Variants in CAMK2D observed in about 807,000 individuals in gnomAD.
CAMK2D encodes calcium/calmodulin dependent protein kinase II delta, also known as calcium/calmodulin-dependent protein kinase type II subunit delta.
Under a neutral mutation model 84.0 loss-of-function variants are expected in CAMK2D, and 37 were observed. That is an observed-to-expected ratio of 0.44 (90% CI 0.34 to 0.58). The LOEUF is 0.58. Ranked by LOEUF, CAMK2D falls within the 20% of genes least tolerant of loss-of-function variation. The probability of loss-of-function intolerance (pLI) is 0.02; values close to 1 mark genes in which losing one functional copy is unlikely to be tolerated. For synonymous variants in CAMK2D, 202 were observed against 212.5 expected, an observed-to-expected ratio of 0.95 and a Z score of 0.43; for missense variants, 448 against 652.5, an observed-to-expected ratio of 0.69 and a Z score of 3.41.
intron 3 of CAMK2D, among the ~76,000 whole-genome samples, chr4:113,620,114 G>A (rs898385236): frequency 3.3e-5 from 5 of 152,150 alleles, no homozygotes; most frequent in Non-Finnish European, 2.9e-5. Flanking sequence ...AGATAGGGTT[G>A]GGTAAGGATG....
chr4:113,729,981 C>A (rs1593719848), intron 2 of CAMK2D, among the ~76,000 whole-genome samples: 1 of 152,292 alleles, frequency 6.6e-6, no homozygotes, highest in South Asian at 2.1e-4. Flanking sequence ...CAGTCTATGG[C>A]ATTCTGTTAA....
At chr4:113,521,576 T>C (rs1375112128) in intron 8 of CAMK2D, among the ~76,000 whole-genome samples, 3 of 151,860 alleles carry the variant, frequency 2.0e-5, no homozygotes, top group African/African-American at 7.3e-5. Context: ...GAAAAATAAA[T>C]CAAGAAATAA....
intron 2 of CAMK2D, among the ~76,000 whole-genome samples, chr4:113,730,314 G>A (rs2099562245): frequency 6.6e-6 from 1 of 152,032 alleles, no homozygotes; most frequent in African/African-American, 2.4e-5. Flanking sequence ...CATGTCTTGT[G>A]TTTCAATAGT....
At chr4:113,634,210 T>C (rs981267764) in intron 3 of CAMK2D, among the ~76,000 whole-genome samples, 1 of 152,204 alleles carries the variant, frequency 6.6e-6, no homozygotes, top group East Asian at 1.9e-4. Flanking sequence ...TGTACAGCTG[T>C]CTATATTTTC....
intron 2 of CAMK2D, among the ~76,000 whole-genome samples, chr4:113,736,701 C>T (rs1435475082): frequency 6.6e-6 from 1 of 152,006 alleles, no homozygotes; most frequent in East Asian, 1.9e-4. Flanking sequence ...GCCTTTCATT[C>T]ATATTAAAAC....
At chr4:113,553,262 C>T (rs2098642263) in intron 4 of CAMK2D, among the ~76,000 whole-genome samples, 1 of 152,136 alleles carries the variant, frequency 6.6e-6, no homozygotes, top group Non-Finnish European at 1.5e-5. Flanking sequence ...ACAGGCAGGC[C>T]ATCCACTCCA....
intron 4 of CAMK2D, among the ~76,000 whole-genome samples, chr4:113,582,947 C>T (rs553575714): frequency 2.6e-5 from 4 of 152,328 alleles, no homozygotes; most frequent in East Asian, 1.9e-4. Flanking sequence ...CACACCAAAT[C>T]GGAAGATAGG....
intron 20 of CAMK2D, 90 bp from the exon 21 acceptor site, chr4:113,454,605 G>A: frequency 1.3e-6 from 1 of 742,002 alleles, no homozygotes; most frequent in East Asian, 2.5e-5. Context: ...CTAGGCTACA[G>A]TTTTATAACT....
intron 2 of CAMK2D, among the ~76,000 whole-genome samples, chr4:113,729,515 T>C (rs1364209871): frequency 7.3e-6 from 1 of 137,538 alleles, no homozygotes; most frequent in Non-Finnish European, 1.5e-5. Context: ...CGTGCTCTTT[T>C]CTTGCTGGCT....
intron 2 of CAMK2D, among the ~76,000 whole-genome samples, chr4:113,698,112 C>T (rs1208590560): frequency 6.6e-6 from 1 of 152,052 alleles, no homozygotes; most frequent in Non-Finnish European, 1.5e-5. Flanking sequence ...CATTAGCCTA[C>T]ATCATCTAGC....
chr4:113,620,304 C>A (rs183639751), intron 3 of CAMK2D, among the ~76,000 whole-genome samples: 187 of 151,932 alleles, frequency 1.2e-3, no homozygotes, highest in Non-Finnish European at 1.9e-3. Context: ...GTCAGCACAA[C>A]AATAAATGAA....
intron 16 of CAMK2D, among the ~76,000 whole-genome samples, chr4:113,494,787 G>A (rs975493973): frequency 2.0e-5 from 3 of 152,204 alleles, no homozygotes; most frequent in Non-Finnish European, 4.4e-5. Context: ...CTAGCAATCA[G>A]GGAGACTCCG....
chr4:113,493,488 T>C (rs1429321391), intron 16 of CAMK2D, among the ~76,000 whole-genome samples: 1 of 152,252 alleles, frequency 6.6e-6, no homozygotes, highest in African/African-American at 2.4e-5. Context: ...TCTTCTGGCT[T>C]GTAGGGTTTC....
At chr4:113,683,517 G>A (rs2099351626) in intron 2 of CAMK2D, among the ~76,000 whole-genome samples, 1 of 152,194 alleles carries the variant, frequency 6.6e-6, no homozygotes, top group African/African-American at 2.4e-5. Flanking sequence ...TACTTATTAA[G>A]TGCTACGGAA....
chr4:113,573,483 T>C (rs1214859903), intron 4 of CAMK2D, among the ~76,000 whole-genome samples: 2 of 152,260 alleles, frequency 1.3e-5, no homozygotes, highest in East Asian at 3.8e-4. Context: ...CCACATGGCC[T>C]ACTCTGGATA....
At position 113,494,187 on chromosome 4, in the gene CAMK2D, C is replaced by A. The variant is rs565717613; in HGVS notation, c.1135+6276G>T. ...GCTTTGTTCCGTTGCTGGTGAGGAA[C>A]TGCGTTCCTTTGGAGGAGGAGAGGC... is the stretch of plus-strand genomic sequence containing the variant. On this transcript the variant is annotated intron_variant, in intron 16 of 20. Coordinates refer to ENST00000511664, the MANE Select transcript of CAMK2D (RefSeq NM_001321571.2). 7.2e-3 allele frequency among the ~76,000 whole-genome samples: 1,104 copies of A among 152,372 alleles called. 10 individuals carry two copies. Among genetic ancestry groups the A allele is most frequent in the African/African-American group, 0.025 (1,046 of 41,582 alleles).
intron 4 of CAMK2D, among the ~76,000 whole-genome samples, chr4:113,553,126 G>A (rs569759769): frequency 3.9e-5 from 6 of 152,224 alleles, no homozygotes; most frequent in African/African-American, 1.4e-4. Flanking sequence ...AGTGTACTAA[G>A]CTTTATATTA....
chr4:113,642,808 C>A (rs1393741649), intron 3 of CAMK2D, among the ~76,000 whole-genome samples: 1 of 151,944 alleles, frequency 6.6e-6, no homozygotes, highest in East Asian at 1.9e-4. Context: ...AAGGGCAAAG[C>A]CTTCATGATC....
chr4:113,457,567 A>G lies in CAMK2D; in HGVS notation c.1307-4T>C, dbSNP rs894492160. On this transcript the variant is annotated splice_polypyrimidine_tract_variant and splice_region_variant and intron_variant, in intron 18 of 20. Transcript: ENST00000511664. ...GGTTTATTGCTTTTGGACAAAGCTG[A>G]AAGAGAAAAACATGAAAAGCAAAAT... 2 of 1,609,122 alleles carry G rather than the reference A, an allele frequency of 1.2e-6. No individual in the cohort carries two copies. The highest frequency in any genetic ancestry group is 1.7e-4 in the Middle Eastern group (1 of 6,036).
Sources: allele counts gnomAD v4.1 joint callset (sites outside exome capture counted in the v4.1 genomes callset), GRCh38; gene constraint gnomAD v4.1.1; transcripts MANE v1.5; gene names NCBI Gene and HGNC (gene_info 2026-07-23, HGNC 2026-07-21).